Variants in EHBP1 observed in about 807,000 individuals in gnomAD.
The protein encoded by EHBP1 is EH domain-binding protein 1.
In EHBP1, 55 loss-of-function variants were observed where a neutral mutation model predicts 144.0. That is an observed-to-expected ratio of 0.38 (90% CI 0.31 to 0.48). The LOEUF (loss-of-function observed/expected upper bound fraction) is 0.48. Ranked by LOEUF, EHBP1 falls within the 20% of genes least tolerant of loss-of-function variation. EHBP1 has a pLI of 0.98. For missense variants in EHBP1, 1,200 were observed against 1,364.2 expected, an observed-to-expected ratio of 0.88 and a Z score of 1.90; for synonymous variants, 469 against 472.7, an observed-to-expected ratio of 0.99 and a Z score of 0.10.
In EHBP1 at chr2:62,909,191, C is replaced by A. The variant is rs538122663; in HGVS notation, c.1186-33527C>A. Among the ~76,000 whole-genome samples the A allele has an allele frequency of 3.9e-5, 6 of 152,210 alleles. 1 individual carries two copies. The East Asian group carries it at 1.2e-3, about 29-fold the overall frequency. ...ATTCTTGTGAACAGAGCCTTCCCCC[C>A]ACCCCGAGACAAGGTCTCACGCTGT... On this transcript the variant is annotated intron_variant, in intron 10 of 22. Transcript: ENST00000431489.
In EHBP1 at chr2:62,942,724, C is replaced by T; in HGVS notation, c.1192C>T (p.Pro398Ser). The T allele has an allele frequency of 6.3e-7, 1 of 1,596,758 alleles. No individual in the cohort carries two copies. The highest frequency in any genetic ancestry group is 8.5e-7 in the Non-Finnish European group (1 of 1,170,816). Residue 398 changes from proline to serine, a missense_variant, in exon 11 of 23, where the codon CCT becomes TCT. Pro to Ser is a moderately conservative substitution (Grantham distance 74). Around this residue, in one of 6 missense-constraint regions of EHBP1, gnomAD observed 266 missense variants for 262.4 expected, o/e 1.01. Transcript: ENST00000431489. ...CCTTTTCATTTTTTTCTAGCCAAGC[C>T]CTATACCAAGTCCTGTTTTGGGGCG... ...KDLSTSPKPSPIPSPVLGRKP... is the reference protein window; with the variant it reads ...KDLSTSPKPSSIPSPVLGRKP...
intron 2 of EHBP1, among the ~76,000 whole-genome samples, chr2:62,739,787 A>G (rs1031748405): frequency 6.6e-6 from 1 of 151,926 alleles, no homozygotes; most frequent in African/African-American, 2.4e-5. Context: ...AAAATTTAAA[A>G]TTAGCTGTTG....
At chr2:62,762,027 TC>T (rs1161371792) in intron 3 of EHBP1, among the ~76,000 whole-genome samples, 1 of 152,196 alleles carries the variant, frequency 6.6e-6, no homozygotes, top group Non-Finnish European at 1.5e-5. Context: ...AAACTCATAC[TC>T]CTGGGCTCAA....
At chr2:62,688,377 C>T (rs1345164498) in intron 1 of EHBP1, among the ~76,000 whole-genome samples, 2 of 152,030 alleles carry the variant, frequency 1.3e-5, no homozygotes, top group African/African-American at 4.8e-5. Flanking sequence ...CATAATTATA[C>T]ATCTTTATGG....
At chr2:62,913,107 C>G (rs556385183) in intron 10 of EHBP1, among the ~76,000 whole-genome samples, 21 of 152,302 alleles carry the variant, frequency 1.4e-4, no homozygotes, top group Non-Finnish European at 2.2e-4. Context: ...CATATTGACA[C>G]TTTTCCCTAA....
At chr2:62,745,228 A>G (rs2039041303) in intron 2 of EHBP1, among the ~76,000 whole-genome samples, 1 of 152,124 alleles carries the variant, frequency 6.6e-6, no homozygotes, top group Non-Finnish European at 1.5e-5. Context: ...TACAAAGATA[A>G]ATAAGACGTG....
At chr2:62,748,455 A>T (rs2039362741) in intron 3 of EHBP1, among the ~76,000 whole-genome samples, 1 of 152,044 alleles carries the variant, frequency 6.6e-6, no homozygotes, top group Admixed American at 6.6e-5. Flanking sequence ...GGAATTTAAG[A>T]CCAGCCTGGG....
At chr2:62,936,346 A>G (rs1362329605) in intron 10 of EHBP1, among the ~76,000 whole-genome samples, 2 of 152,136 alleles carry the variant, frequency 1.3e-5, no homozygotes, top group African/African-American at 4.8e-5. Context: ...CTTTTCTAGG[A>G]ATTTGCTTCT....
At chr2:62,816,319 A>T (rs1298983105) in intron 5 of EHBP1, among the ~76,000 whole-genome samples, 1 of 152,246 alleles carries the variant, frequency 6.6e-6, no homozygotes, top group Admixed American at 6.5e-5. Context: ...TATAGAAAGT[A>T]TATTTATTCT....
intron 19 of EHBP1, among the ~76,000 whole-genome samples, chr2:63,017,240 T>C (rs1026302884): frequency 6.6e-6 from 1 of 152,178 alleles, no homozygotes; most frequent in Non-Finnish European, 1.5e-5. Context: ...GCCAGGCTGG[T>C]CTTGAACTCC....
At position 62,804,614 on chromosome 2, in the gene EHBP1, G is replaced by T. The variant is rs2044298743; in HGVS notation, c.313-21473G>T. On this transcript the variant is annotated intron_variant, in intron 5 of 22. Coordinates refer to ENST00000431489, the MANE Select transcript of EHBP1 (RefSeq NM_001142616.3). ...TAACGTATATTTAAAATCATATTAA[G>T]ACTCATTTTTGGCCAAGACCCACTT... is the stretch of plus-strand genomic sequence containing the variant. Among the ~76,000 whole-genome samples, 3 of 152,142 alleles carry T rather than the reference G, an allele frequency of 2.0e-5. No individual in the cohort carries two copies. The South Asian group carries it at 6.2e-4, about 32-fold the overall frequency.
intron 5 of EHBP1, among the ~76,000 whole-genome samples, chr2:62,822,683 AAG>A (rs2046069515): frequency 6.6e-6 from 1 of 152,158 alleles, no homozygotes. Context: ...CCAGCAGTAT[AAG>A]AGAGTTTGCA....
chr2:62,723,574 A>G (rs904518311), intron 2 of EHBP1, among the ~76,000 whole-genome samples: 10 of 152,152 alleles, frequency 6.6e-5, no homozygotes, highest in African/African-American at 2.4e-4. Flanking sequence ...TTATAGTGTC[A>G]CTGGCCTGTG....
intron 5 of EHBP1, among the ~76,000 whole-genome samples, chr2:62,788,961 T>C (rs1558671626): frequency 6.6e-6 from 1 of 152,188 alleles, no homozygotes. Context: ...GTAGGGAACA[T>C]GAGAGGAGTC....
intron 7 of EHBP1, among the ~76,000 whole-genome samples, chr2:62,832,543 G>A (rs1458472131): frequency 6.7e-6 from 1 of 149,052 alleles, no homozygotes; most frequent in Non-Finnish European, 1.5e-5. Context: ...AACAGCGTGT[G>A]CTCACTTCGT....
chr2:62,826,025 T>G, intron 5 of EHBP1, 62 bp from the exon 6 acceptor site: 1 of 1,233,228 alleles, frequency 8.1e-7, no homozygotes, highest in Non-Finnish European at 1.1e-6. Flanking sequence ...AAATCGTACT[T>G]TAAAATGTTT....
intron 10 of EHBP1, among the ~76,000 whole-genome samples, chr2:62,880,628 T>A (rs1409407295): frequency 6.6e-6 from 1 of 152,158 alleles, no homozygotes; most frequent in East Asian, 1.9e-4. Context: ...TACATACATG[T>A]GGCCATCGAG....
chr2:62,746,900 T>C (rs565245375), intron 2 of EHBP1, among the ~76,000 whole-genome samples: 2 of 152,148 alleles, frequency 1.3e-5, no homozygotes, highest in South Asian at 4.1e-4. Context: ...TTCAGTACCG[T>C]ATTGTTTTTA....
intron 2 of EHBP1, among the ~76,000 whole-genome samples, chr2:62,716,696 C>T (rs2035713816): frequency 6.6e-6 from 1 of 152,194 alleles, no homozygotes; most frequent in Non-Finnish European, 1.5e-5. Context: ...TCCATTGGTT[C>T]AGCAGCCATC....
Sources: allele counts gnomAD v4.1 joint callset (sites outside exome capture counted in the v4.1 genomes callset), GRCh38; gene constraint gnomAD v4.1.1; regional missense constraint gnomAD v4.1.1; transcripts MANE v1.5; gene names NCBI Gene and HGNC (gene_info 2026-07-23, HGNC 2026-07-21).